The following NPM1 variants were observed in gnomAD, a reference collection of about 807,000 sequenced individuals.
NPM1 encodes nucleophosmin.
Under a neutral mutation model 44.1 loss-of-function variants are expected in NPM1, and 1 was observed. That is an observed-to-expected ratio of 0.02 (90% confidence interval 0.01 to 0.11). The LOEUF is 0.11. NPM1 is among the 10% of genes least tolerant of loss of function. The probability of loss-of-function intolerance (pLI) is 1.00; values close to 1 mark genes in which losing one functional copy is unlikely to be tolerated. For missense variants in NPM1, 197 were observed against 347.8 expected (o/e 0.57, Z 3.45); for synonymous variants, 126 against 111.8 (o/e 1.13, Z -0.80).
intron 6 of NPM1, among the ~76,000 whole-genome samples, chr5:171,399,402 C>T (rs1024607044): frequency 9.2e-5 from 14 of 152,150 alleles, no homozygotes; most frequent in African/African-American, 3.4e-4. Context: ...CACACCACCA[C>T]GCCTGCTAAT....
chr5:171,400,428 C>T (rs1392313926), intron 7 of NPM1, among the ~76,000 whole-genome samples: 1 of 150,646 alleles, frequency 6.6e-6, no homozygotes, highest in Admixed American at 6.6e-5. Context: ...CTTGTGTAAC[C>T]TTTTGTCCAA....
rs10068706 is a variant in NPM1 at position 171,400,080 on chromosome 5, A to G, written c.525-73A>G. On this transcript the variant is annotated intron_variant, in intron 6 of 10. Transcript: ENST00000296930. ...CATGGGTGCACAAATAATCACTTCAAGGTCCTGCTTTCAATTCTTGTGTCT... is the reference window on the plus strand; with the variant it reads ...CATGGGTGCACAAATAATCACTTCAGGGTCCTGCTTTCAATTCTTGTGTCT... 1.4e-3 allele frequency: 1,254 copies of G among 874,256 alleles called. 4 individuals carry two copies. The highest frequency in any genetic ancestry group is 0.011 in the African/African-American group (677 of 60,956). 54.2% of individuals were successfully genotyped at this position (874,256 alleles called of 1,614,324 possible).
intron 10 of NPM1, 40 bp from the exon 11 acceptor site, chr5:171,410,487 T>G: frequency 7.5e-7 from 1 of 1,334,368 alleles, no homozygotes; most frequent in Non-Finnish European, 1.0e-6. Context: ...CTATGAAGTG[T>G]TGTGGTTCCT....
chr5:171,388,830 G>T (rs1025196807), intron 1 of NPM1, among the ~76,000 whole-genome samples: 1 of 152,190 alleles, frequency 6.6e-6, no homozygotes, highest in Non-Finnish European at 1.5e-5. Context: ...TGCAGATGAG[G>T]ATACTGGTGC....
At chr5:171,395,030 T>TTAGC (rs1770809422) in intron 6 of NPM1, among the ~76,000 whole-genome samples, 1 of 151,974 alleles carries the variant, frequency 6.6e-6, no homozygotes, top group African/African-American at 2.4e-5. Context: ...AATACAAAAA[T>TTAGC]TAGCTGGGTA....
intron 8 of NPM1, among the ~76,000 whole-genome samples, chr5:171,401,310 C>T (rs1771185005): frequency 1.3e-5 from 2 of 151,622 alleles, no homozygotes; most frequent in African/African-American, 4.9e-5. Flanking sequence ...GAGATTGCAC[C>T]ACTGCACTCC....
Position 171,407,794 on chromosome 5 carries a change from A to C in NPM1, c.846+20A>C, listed in dbSNP as rs747174426. On this transcript the variant is annotated intron_variant, in intron 10 of 10. Transcript: ENST00000296930. ...CAAGAGGTAACTGGATTTTCTGGGG[A>C]CATGATTAAATCCAAGTTTTTTTGT... 2 of 1,496,162 alleles carry C rather than the reference A, an allele frequency of 1.3e-6. No homozygotes were observed. Among genetic ancestry groups the C allele is most frequent in the South Asian group, 2.3e-5 (2 of 88,152 alleles). The allele number at this position is 1,496,162 out of a possible 1,614,324, so 92.7% of individuals were successfully genotyped here.
In NPM1 at chr5:171,408,905, A is replaced by G. The variant is rs148055291; in HGVS notation, c.846+1131A>G. ...ATAAATTTAATGATTAAGTTGCAGT[A>G]GTCTTCTGTACTTTATAACAAAGGC... On this transcript the variant is annotated intron_variant, in intron 10 of 10. Coordinates refer to ENST00000296930, the MANE Select transcript of NPM1 (RefSeq NM_002520.7). Among the ~76,000 whole-genome samples, 350 of 152,252 alleles carry G rather than the reference A, an allele frequency of 2.3e-3. 3 individuals are homozygous for G. Among genetic ancestry groups the G allele is most frequent in the African/African-American group, 8.0e-3 (334 of 41,594 alleles).
rs1771789905 is a variant in NPM1, at chr5:171,410,773, A to C, written c.*208A>C. ...GGAACTCCACCCTTTGCTTGGTTTT[A>C]AGTATGTATGGAATGTTATGATAGG... On this transcript the variant is annotated 3_prime_UTR_variant, in exon 11 of 11. Transcript: ENST00000296930. The C allele has an allele frequency of 2.0e-6, 1 of 488,544 alleles. No individual in the cohort carries two copies. Among genetic ancestry groups the C allele is most frequent in the Non-Finnish European group, 3.6e-6 (1 of 277,914 alleles). 30.3% of individuals were successfully genotyped at this position (488,544 alleles called of 1,614,324 possible).
At chr5:171,395,217 G>C (rs776558832) in intron 6 of NPM1, among the ~76,000 whole-genome samples, 5 of 152,058 alleles carry the variant, frequency 3.3e-5, no homozygotes, top group Non-Finnish European at 7.4e-5. Context: ...TAACCACAAT[G>C]TAATTTTGTT....
chr5:171,392,958 T>A lies in NPM1; in HGVS notation c.504T>A (p.Asp168Glu). Residue 168 changes from aspartate to glutamate, a missense_variant, in exon 6 of 11, where the codon GAT becomes GAA. Coordinates refer to ENST00000296930, the MANE Select transcript of NPM1 (RefSeq NM_002520.7). ...LAADEDDDDD[D>E]EEDDDEDDDD... is the part of the protein sequence containing the mutation. Reference sequence around the variant, plus strand: ...CTGATGAAGATGATGACGATGATGATGAAGAGGATGATGATGAAGAGTAAG... The same window carrying A: ...CTGATGAAGATGATGACGATGATGAAGAAGAGGATGATGATGAAGAGTAAG... 2 of 1,608,972 alleles carry A rather than the reference T, an allele frequency of 1.2e-6. No individual in the cohort carries two copies. The highest frequency in any genetic ancestry group is 1.7e-6 in the Non-Finnish European group (2 of 1,175,524).
At chr5:171,388,728 G>T (rs1051665802) in intron 1 of NPM1, among the ~76,000 whole-genome samples, 2 of 152,228 alleles carry the variant, frequency 1.3e-5, no homozygotes, top group Admixed American at 1.3e-4. Flanking sequence ...GGAGGTCTTT[G>T]TTCAGTGCTT....
intron 6 of NPM1, among the ~76,000 whole-genome samples, chr5:171,395,691 T>C (rs943946551): frequency 6.6e-6 from 1 of 152,170 alleles, no homozygotes; most frequent in Non-Finnish European, 1.5e-5. Context: ...CATAGATAGA[T>C]GGCAATGAAA....
rs1437600710 is a variant in NPM1, at chr5:171,405,303, G to C, written c.671G>C (p.Gly224Ala). The part of the protein sequence containing the change: ...SKPSSTPRSK[G>A]QESFKKQEKT... The stretch of plus-strand genomic sequence containing the variant: ...TTTGGAAATTCATTTCTTTTTCAGG[G>C]ACAAGAATCCTTCAAGAAACAGGAA... Residue 224 changes from glycine to alanine, a missense_variant and splice_region_variant, in exon 9 of 11, where the codon GGA becomes GCA. Physicochemically the swap from Gly to Ala is moderately conservative, Grantham distance 60. Coordinates refer to ENST00000296930, the MANE Select transcript of NPM1 (RefSeq NM_002520.7). 1.3e-6 allele frequency: 2 copies of C among 1,514,248 alleles called. No individual in the cohort carries two copies. The highest frequency in any genetic ancestry group is 2.3e-5 in the East Asian group (1 of 44,370). The allele number at this position is 1,514,248 out of a possible 1,614,324, so 93.8% of individuals were successfully genotyped here.
chr5:171,407,442 A>G (rs2113287313), intron 9 of NPM1: 1 of 466,744 alleles, frequency 2.1e-6, no homozygotes, highest in East Asian at 3.8e-5. Context: ...TCTCAAGTGT[A>G]GCTTATATTT....
chr5:171,400,766 C>A lies in NPM1; in HGVS notation c.583-73C>A, dbSNP rs1417754449. ...AAGCCTGTGGTTGCTGCTTGTCTTACATGGCTTGGACAGCTTTGTTTGCAC... is the reference window on the plus strand; with the variant it reads ...AAGCCTGTGGTTGCTGCTTGTCTTAAATGGCTTGGACAGCTTTGTTTGCAC... On this transcript the variant is annotated intron_variant, in intron 7 of 10. Coordinates refer to ENST00000296930, the MANE Select transcript of NPM1 (RefSeq NM_002520.7). The A allele has an allele frequency of 5.0e-6, 5 of 993,910 alleles. No individual in the cohort carries two copies. The African/African-American group carries it at 8.0e-5, about 16-fold the overall frequency. 61.6% of individuals were successfully genotyped at this position (993,910 alleles called of 1,614,324 possible).
In NPM1 at chr5:171,404,620, C is replaced by T. The variant is rs1393386969; in HGVS notation, c.670-682C>T. ...GCTCCTCACTTCCTAGATGGGATGG[C>T]GGCCGGGCGGAGACGCTCCTCACTT... On this transcript the variant is annotated intron_variant, in intron 8 of 10. Coordinates refer to ENST00000296930, the MANE Select transcript of NPM1 (RefSeq NM_002520.7). Among the ~76,000 whole-genome samples the T allele has an allele frequency of 6.6e-5, 8 of 120,646 alleles. No homozygotes were observed. The South Asian group carries it at 2.0e-3, about 31-fold the overall frequency. The allele number at this position is 120,646 out of a possible 152,430, so 79.1% of individuals were successfully genotyped here. A position where few individuals can be genotyped will look rare whatever the true frequency, so the allele number is the denominator to read the frequency against.
At chr5:171,398,640 G>A (rs767509022) in intron 6 of NPM1, among the ~76,000 whole-genome samples, 11 of 152,016 alleles carry the variant, frequency 7.2e-5, no homozygotes, top group Admixed American at 5.9e-4. Context: ...GCATGGTAGC[G>A]TGTGCCTGTA....
chr5:171,389,958 T>G (rs535907741), intron 1 of NPM1, 93 bp from the exon 2 acceptor site: 38 of 724,468 alleles, frequency 5.2e-5, no homozygotes, highest in Middle Eastern at 3.7e-4. Context: ...GAAAAACTAG[T>G]TCAAAAGTTA....
Sources: allele counts gnomAD v4.1 joint callset (sites outside exome capture counted in the v4.1 genomes callset), GRCh38; gene constraint gnomAD v4.1.1; transcripts MANE v1.5; gene names NCBI Gene and HGNC (gene_info 2026-07-23, HGNC 2026-07-21).